The following FGF10 variants were observed in gnomAD, a reference collection of about 807,000 sequenced individuals.
FGF10 encodes fibroblast growth factor 10, also known as FGF-10.
In FGF10, 2 loss-of-function variants were observed where a neutral mutation model predicts 19.8. That is an observed-to-expected ratio of 0.10 (90% CI 0.04 to 0.32). The LOEUF (loss-of-function observed/expected upper bound fraction) is 0.32. FGF10 is among the 10% of genes least tolerant of loss of function. The probability of loss-of-function intolerance (pLI) is 1.00; values close to 1 mark genes in which losing one functional copy is unlikely to be tolerated. For missense variants in FGF10, 191 were observed against 246.3 expected (o/e 0.78, Z 1.50); for synonymous variants, 112 against 94.0 (o/e 1.19, Z -1.10).
intron 1 of FGF10, among the ~76,000 whole-genome samples, chr5:44,335,029 T>A (rs1001025504): frequency 1.3e-5 from 2 of 152,168 alleles, no homozygotes; most frequent in Admixed American, 6.6e-5. Context: ...TTTAATTTAA[T>A]CTTTTCCAAG....
In FGF10 at chr5:44,388,592, A is replaced by T. The variant is rs762625065; in HGVS notation, c.91T>A (p.Ser31Thr). The T allele has an allele frequency of 1.2e-6, 2 of 1,614,120 alleles. No homozygotes were observed. The highest frequency in any genetic ancestry group is 3.3e-5 in the Admixed American group (2 of 60,018). Reference sequence around the variant, plus strand: ...GCTTGGCAGGTGACAGGGACGGAAGACACCAAGAACAGCAACAAAAAGCAG... The same window carrying T: ...GCTTGGCAGGTGACAGGGACGGAAGTCACCAAGAACAGCAACAAAAAGCAG... ...CCCFLLLFLV[S>T]SVPVTCQALG... Residue 31 changes from serine to threonine, a missense_variant, in exon 1 of 3, where the codon TCT becomes ACT. By Grantham distance (58) the Ser-to-Thr change is moderately conservative. Transcript: ENST00000264664.
At chr5:44,330,505 G>A (rs1172944777) in intron 1 of FGF10, among the ~76,000 whole-genome samples, 2 of 152,114 alleles carry the variant, frequency 1.3e-5, no homozygotes, top group Admixed American at 1.3e-4. Flanking sequence ...CTCTGTTTCA[G>A]AAAATTAAAA....
chr5:44,343,277 A>G (rs1741011340), intron 1 of FGF10, among the ~76,000 whole-genome samples: 1 of 152,076 alleles, frequency 6.6e-6, no homozygotes, highest in African/African-American at 2.4e-5. Flanking sequence ...AATCATTACA[A>G]TCATAACTTA....
chr5:44,340,416 A>G (rs1192668519), intron 1 of FGF10, among the ~76,000 whole-genome samples: 4 of 152,118 alleles, frequency 2.6e-5, no homozygotes, highest in Non-Finnish European at 5.9e-5. Context: ...TTTAAAAAAG[A>G]TACAGCACCA....
At chr5:44,332,208 T>A (rs562095484) in intron 1 of FGF10, among the ~76,000 whole-genome samples, 1 of 152,148 alleles carries the variant, frequency 6.6e-6, no homozygotes, top group Admixed American at 6.6e-5. Flanking sequence ...TTGGAAGCTG[T>A]ATGAATTTGA....
chr5:44,315,449 C>A (rs1740317582), intron 1 of FGF10, among the ~76,000 whole-genome samples: 1 of 152,032 alleles, frequency 6.6e-6, no homozygotes. Context: ...CCCAATGGCA[C>A]TTTGAGGTGG....
At chr5:44,356,673 A>G (rs979679427) in intron 1 of FGF10, among the ~76,000 whole-genome samples, 1 of 151,480 alleles carries the variant, frequency 6.6e-6, no homozygotes, top group African/African-American at 2.4e-5. Flanking sequence ...ATTGTACAGC[A>G]TTATCAACTT....
At chr5:44,370,668 T>TAAG (rs1741722139) in intron 1 of FGF10, among the ~76,000 whole-genome samples, 1 of 152,160 alleles carries the variant, frequency 6.6e-6, no homozygotes, top group Admixed American at 6.5e-5. Context: ...TCCATTACCC[T>TAAG]AAGACTTGAC....
chr5:44,307,641 G>T (rs1315814443), intron 2 of FGF10, among the ~76,000 whole-genome samples: 1 of 152,124 alleles, frequency 6.6e-6, no homozygotes, highest in Non-Finnish European at 1.5e-5. Context: ...AGATTTTTAG[G>T]AGGGCTTACG....
intron 1 of FGF10, among the ~76,000 whole-genome samples, chr5:44,371,053 C>T (rs1741730883): frequency 2.0e-5 from 3 of 152,044 alleles, no homozygotes; most frequent in South Asian, 4.1e-4. Context: ...TATTTGTCCC[C>T]TCCAAAATTC....
At chr5:44,316,624 A>G (rs1186269159) in intron 1 of FGF10, among the ~76,000 whole-genome samples, 1 of 152,226 alleles carries the variant, frequency 6.6e-6, no homozygotes, top group Non-Finnish European at 1.5e-5. Flanking sequence ...AAGCATTGAC[A>G]GAACGTGTGC....
intron 1 of FGF10, among the ~76,000 whole-genome samples, chr5:44,336,938 T>C (rs955482754): frequency 2.6e-5 from 4 of 152,134 alleles, no homozygotes; most frequent in Admixed American, 2.6e-4. Context: ...CAAGGCAGAA[T>C]GGTAAACCTG....
At chr5:44,316,926 G>C (rs540833275) in intron 1 of FGF10, among the ~76,000 whole-genome samples, 1 of 152,232 alleles carries the variant, frequency 6.6e-6, no homozygotes, top group African/African-American at 2.4e-5. Context: ...CTTTTTCAAA[G>C]GGCTAACTGT....
At position 44,304,500 on chromosome 5, in the gene FGF10, G is replaced by A. The variant is rs1353215239; in HGVS notation, c.*495C>T. The A allele has an allele frequency of 2.5e-5, 4 of 162,390 alleles. No homozygotes were observed. The highest frequency in any genetic ancestry group is 9.6e-5 in the African/African-American group (4 of 41,498). The allele number at this position is 162,390 out of a possible 1,614,324, so 10.1% of individuals were successfully genotyped here. A position where few individuals can be genotyped will look rare whatever the true frequency, so the allele number is the denominator to read the frequency against. Reference sequence around the variant, plus strand: ...CAATTATTCCATGAGACCACATCCAGAACTCCTTTGGTTGTGCATATGATA... The same window carrying A: ...CAATTATTCCATGAGACCACATCCAAAACTCCTTTGGTTGTGCATATGATA... On this transcript the variant is annotated 3_prime_UTR_variant, in exon 3 of 3. Transcript: ENST00000264664.
At chr5:44,387,190 C>T (rs1237074389) in intron 1 of FGF10, among the ~76,000 whole-genome samples, 2 of 152,182 alleles carry the variant, frequency 1.3e-5, no homozygotes, top group African/African-American at 4.8e-5. Flanking sequence ...ATAAGTCTCA[C>T]CACTTGAAAG....
chr5:44,304,837 G>C lies in FGF10; in HGVS notation c.*158C>G. Reference sequence around the variant, plus strand: ...CTAATTAAAAGAACATCATATGTCAGCAGTGAATACAAAAACCTTCAAAGG... The same window carrying C: ...CTAATTAAAAGAACATCATATGTCACCAGTGAATACAAAAACCTTCAAAGG... On this transcript the variant is annotated 3_prime_UTR_variant, in exon 3 of 3. Transcript: ENST00000264664. 1.4e-6 allele frequency: 1 copy of C among 692,988 alleles called. No homozygotes were observed. The highest frequency in any genetic ancestry group is 2.6e-6 in the Non-Finnish European group (1 of 386,800). 42.9% of individuals were successfully genotyped at this position (692,988 alleles called of 1,614,324 possible).
chr5:44,327,396 C>T (rs910821948), intron 1 of FGF10, among the ~76,000 whole-genome samples: 4 of 152,108 alleles, frequency 2.6e-5, no homozygotes, highest in African/African-American at 9.7e-5. Context: ...CAACAAAAGC[C>T]AAGGACCACT....
At chr5:44,374,937 A>G (rs1229623464) in intron 1 of FGF10, among the ~76,000 whole-genome samples, 2 of 152,224 alleles carry the variant, frequency 1.3e-5, no homozygotes, top group African/African-American at 4.8e-5. Flanking sequence ...AGTCTCTTAA[A>G]TAATGATAGC....
intron 1 of FGF10, among the ~76,000 whole-genome samples, chr5:44,361,285 T>C (rs1363275225): frequency 6.6e-6 from 1 of 151,696 alleles, no homozygotes; most frequent in African/African-American, 2.4e-5. Flanking sequence ...AGTTCAAACA[T>C]TTTTAAGCTG....
Sources: allele counts gnomAD v4.1 joint callset (sites outside exome capture counted in the v4.1 genomes callset), GRCh38; gene constraint gnomAD v4.1.1; transcripts MANE v1.5; gene names NCBI Gene and HGNC (gene_info 2026-07-23, HGNC 2026-07-21).